The following DYM variants were observed in gnomAD, a reference collection of about 807,000 sequenced individuals.
The protein encoded by DYM is dymeclin, also known as dyggve-Melchior-Clausen syndrome protein.
Under a neutral mutation model 93.1 loss-of-function variants are expected in DYM, and 78 were observed. The observed-to-expected ratio is 0.84, with a 90% confidence interval of 0.70 to 1.01. The LOEUF (loss-of-function observed/expected upper bound fraction) is 1.01, where lower values mean the gene tolerates loss of function less well. Among genes scored for constraint, DYM ranks in the 50% least tolerant of loss-of-function variants. DYM has a pLI of 0.00. For missense variants in DYM, 789 were observed against 845.0 expected, an observed-to-expected ratio of 0.93 and a Z score of 0.82; for synonymous variants, 321 against 319.7, an observed-to-expected ratio of 1.00 and a Z score of -0.04.
chr18:49,110,751 G>A (rs2081313692), intron 16 of DYM, among the ~76,000 whole-genome samples: 1 of 151,970 alleles, frequency 6.6e-6, no homozygotes, highest in Non-Finnish European at 1.5e-5. Context: ...CAGTATTTTT[G>A]GAAAATTCTC....
At chr18:49,202,262 G>A (rs546914924) in intron 14 of DYM, among the ~76,000 whole-genome samples, 3 of 152,194 alleles carry the variant, frequency 2.0e-5, no homozygotes, top group African/African-American at 4.8e-5. Context: ...CGACCTTTTG[G>A]TCAGAGCAAC....
intron 5 of DYM, chr18:49,375,574 TA>T (rs1326926578): frequency 6.6e-6 from 1 of 152,148 alleles, no homozygotes; most frequent in Non-Finnish European, 1.5e-5. Context: ...ATAAAACTGC[TA>T]AAATTGATAT....
At chr18:49,349,082 C>T (rs1049071776) in intron 6 of DYM, among the ~76,000 whole-genome samples, 2 of 151,968 alleles carry the variant, frequency 1.3e-5, no homozygotes, top group African/African-American at 4.8e-5. Context: ...GTGGTGGGCG[C>T]CTGTAATCCC....
chr18:49,049,330 C>T (rs894192321), intron 17 of DYM, among the ~76,000 whole-genome samples: 12 of 152,208 alleles, frequency 7.9e-5, no homozygotes, highest in African/African-American at 2.9e-4. Context: ...CATTCATTCA[C>T]TCAGTAAATA....
chr18:49,358,092 C>T (rs79348226), intron 6 of DYM, among the ~76,000 whole-genome samples: 17,738 of 152,130 alleles, frequency 0.12, 1,274 homozygotes, highest in East Asian at 0.31. Context: ...TGAGGCTATA[C>T]TGAGCCATGA....
At chr18:49,079,979 G>A (rs1231222137) in intron 17 of DYM, among the ~76,000 whole-genome samples, 1 of 150,652 alleles carries the variant, frequency 6.6e-6, no homozygotes, top group Non-Finnish European at 1.5e-5. Context: ...CAGTAGGGGC[G>A]GCCGGGCAGA....
At chr18:49,393,083 GGGAGGGAGGGAAGGAAGGAAGGAAGGAA>G (rs2069535324) in intron 2 of DYM, among the ~76,000 whole-genome samples, 1 of 95,152 alleles carries the variant, frequency 1.1e-5, no homozygotes, top group African/African-American at 3.6e-5. Flanking sequence ...GAGGAAAGAA[GGGAGGGAGGGAAGGAAGGAAGGAAGGAA>G]GGAAGGAAGG....
chr18:49,225,169 T>G (rs2093485069), intron 13 of DYM, among the ~76,000 whole-genome samples: 1 of 152,188 alleles, frequency 6.6e-6, no homozygotes, highest in Admixed American at 6.5e-5. Flanking sequence ...AAATATGCAT[T>G]AAGTTTCCAG....
chr18:49,210,146 C>T (rs374815528), intron 13 of DYM, among the ~76,000 whole-genome samples: 20 of 152,282 alleles, frequency 1.3e-4, no homozygotes, highest in East Asian at 1.2e-3. Context: ...GAATGCAGTT[C>T]GGCAGTTTCT....
In DYM at chr18:49,080,436, C is replaced by A. The variant is rs544467688; in HGVS notation, c.2025+16966G>T. 2.1e-3 allele frequency among the ~76,000 whole-genome samples: 275 copies of A among 133,800 alleles called. 2 individuals carry two copies. The highest frequency in any genetic ancestry group is 8.9e-3 in the East Asian group (37 of 4,172). The allele number at this position is 133,800 out of a possible 152,430, so 87.8% of individuals were successfully genotyped here. The stretch of plus-strand genomic sequence containing the variant: ...CGGGGTGGCTGGCCCGGCAGAGGGG[C>A]TCCTCACTTCCCAGTAGGGGCGGCT... On this transcript the variant is annotated intron_variant, in intron 17 of 17. Transcript: ENST00000675505.
At chr18:49,084,374 C>T (rs1413386047) in intron 17 of DYM, among the ~76,000 whole-genome samples, 21 of 152,106 alleles carry the variant, frequency 1.4e-4, no homozygotes, top group Admixed American at 1.4e-3. Context: ...TGTGACCCAG[C>T]ACATGGTCTA....
intron 5 of DYM, among the ~76,000 whole-genome samples, chr18:49,376,854 T>G (rs1239896835): frequency 6.6e-6 from 1 of 152,190 alleles, no homozygotes; most frequent in Non-Finnish European, 1.5e-5. Context: ...AGGATAAGAA[T>G]GAAGAAAAAG....
intron 8 of DYM, among the ~76,000 whole-genome samples, chr18:49,295,082 A>T (rs1324610057): frequency 6.7e-6 from 1 of 150,074 alleles, no homozygotes; most frequent in Admixed American, 6.7e-5. Context: ...AGTAATGAGG[A>T]TACAAGCATT....
chr18:49,286,474 G>T lies in DYM; in HGVS notation c.906C>A (p.Asn302Lys). Residue 302 changes from asparagine to lysine, a missense_variant, in exon 9 of 18, where the codon AAC becomes AAA. This residue lies in a region of DYM where 450 missense variants were observed against 436.2 expected (regional missense o/e 1.03). Coordinates refer to ENST00000675505, the MANE Select transcript of DYM (RefSeq NM_001353214.3). ...AGGACATAATGGCTTGTCTGTAGGG[G>T]TTTGGCGCATCTGAGGCATCTGTCA... ...ANLTDASDAP[N>K]PYRQAIMSFK... 1 of 1,614,158 alleles carries T rather than the reference G, an allele frequency of 6.2e-7. No individual in the cohort carries two copies. The highest frequency in any genetic ancestry group is 8.5e-7 in the Non-Finnish European group (1 of 1,180,010).
intron 17 of DYM, among the ~76,000 whole-genome samples, chr18:49,088,445 A>T (rs932378166): frequency 1.3e-5 from 2 of 151,802 alleles, no homozygotes; most frequent in African/African-American, 4.8e-5. Flanking sequence ...TAGCATTAGG[A>T]GATATGCCTA....
intron 15 of DYM, among the ~76,000 whole-genome samples, chr18:49,130,669 CTA>C (rs1288247170): frequency 2.0e-5 from 3 of 152,142 alleles, no homozygotes; most frequent in African/African-American, 7.2e-5. Context: ...TGAATATTTA[CTA>C]TGAGTACATC....
At chr18:49,152,099 G>A (rs1456033862) in intron 15 of DYM, among the ~76,000 whole-genome samples, 2 of 152,062 alleles carry the variant, frequency 1.3e-5, no homozygotes, top group African/African-American at 2.4e-5. Context: ...ATTAATCATT[G>A]CCAGATTTCA....
chr18:49,236,783 T>G (rs1266351785), intron 13 of DYM, among the ~76,000 whole-genome samples: 3 of 152,186 alleles, frequency 2.0e-5, no homozygotes, highest in African/African-American at 7.2e-5. Context: ...TCCCAGCCTC[T>G]GAGGTAGAGG....
intron 13 of DYM, among the ~76,000 whole-genome samples, chr18:49,220,249 A>C (rs1043826186): frequency 1.1e-4 from 17 of 151,004 alleles, no homozygotes; most frequent in African/African-American, 3.9e-4. Flanking sequence ...TCAATGAAAT[A>C]AAAGAGGATA....
Sources: allele counts gnomAD v4.1 joint callset (sites outside exome capture counted in the v4.1 genomes callset), GRCh38; gene constraint gnomAD v4.1.1; regional missense constraint gnomAD v4.1.1; transcripts MANE v1.5; gene names NCBI Gene and HGNC (gene_info 2026-07-23, HGNC 2026-07-21).